GPC3: variants seen among roughly 807,000 people sequenced by gnomAD.
GPC3 encodes glypican-3.
In GPC3, 3 loss-of-function variants were observed where a neutral mutation model predicts 34.4. The ratio of observed to expected loss-of-function variants is 0.09; its 90% CI spans 0.04 to 0.23. The LOEUF (loss-of-function observed/expected upper bound fraction) is 0.23. Among genes scored for constraint, GPC3 ranks in the 10% least tolerant of loss-of-function variants. The pLI is 1.00. For synonymous variants in GPC3, 177 were observed against 174.0 expected, an observed-to-expected ratio of 1.02 and a Z score of -0.13; for missense variants, 351 against 445.6, an observed-to-expected ratio of 0.79 and a Z score of 1.91.
chrX:133,897,667 AG>A (rs970755808), intron 2 of GPC3, among the ~76,000 whole-genome samples: 1 of 111,145 alleles, frequency 9.0e-6, no homozygotes, highest in Admixed American at 9.6e-5. Context: ...GGATGGTGCC[AG>A]GAAGCCCCTA....
chrX:133,576,231 T>TG (rs1280777103), intron 7 of GPC3, among the ~76,000 whole-genome samples: 117 of 111,138 alleles, frequency 1.1e-3, no homozygotes, highest in African/African-American at 3.5e-3. Flanking sequence ...TAGCTCTGTT[T>TG]TTTTGTTTGT....
chrX:133,594,205 A>G (rs1355162048), intron 7 of GPC3, among the ~76,000 whole-genome samples: 1 of 112,523 alleles, frequency 8.9e-6, no homozygotes, highest in Non-Finnish European at 1.9e-5. Flanking sequence ...GCAAGAGAGA[A>G]GAAGCAAAGA....
chrX:133,777,497 C>T (rs2071999175), intron 2 of GPC3, among the ~76,000 whole-genome samples: 1 of 111,487 alleles, frequency 9.0e-6, no homozygotes, highest in South Asian at 3.9e-4. Flanking sequence ...ACCCCAAATT[C>T]TGGTTTCAGA....
intron 2 of GPC3, among the ~76,000 whole-genome samples, chrX:133,816,510 T>G (rs1428633925): frequency 8.9e-6 from 1 of 112,137 alleles, no homozygotes; most frequent in Non-Finnish European, 1.9e-5. Context: ...TACCCTTTAC[T>G]AAGTGCTTTT....
chrX:133,703,460 G>GTT (rs746837604), intron 3 of GPC3, among the ~76,000 whole-genome samples: 1,898 of 95,596 alleles, frequency 0.02, 70 homozygotes, highest in African/African-American at 0.068. Flanking sequence ...AGGCCAGGAA[G>GTT]TTTTTTTTTT....
intron 6 of GPC3, among the ~76,000 whole-genome samples, chrX:133,601,027 A>G (rs1302060912): frequency 9.0e-6 from 1 of 111,708 alleles, no homozygotes; most frequent in Non-Finnish European, 1.9e-5. Flanking sequence ...CATTCTGTTA[A>G]CCTGACACTT....
intron 2 of GPC3, among the ~76,000 whole-genome samples, chrX:133,940,256 T>C (rs777555548): frequency 9.0e-6 from 1 of 111,053 alleles, no homozygotes; most frequent in Non-Finnish European, 1.9e-5. Context: ...TATTTCTCCA[T>C]TACTGTACAG....
rs1374239638 is a variant in GPC3 at position 133,595,975 on chromosome X, G to A, written c.1573+465C>T. Among the ~76,000 whole-genome samples, 3 of 111,681 alleles carry A rather than the reference G, an allele frequency of 2.7e-5. No homozygotes were observed. The South Asian group carries it at 1.1e-3, about 42-fold the overall frequency. ...CCAGTGGTTTTCAGAAGACTTCCAA[G>A]GTTGCATTTCTTTTTTTTGTTTGTT... On this transcript the variant is annotated intron_variant, in intron 7 of 7. Transcript: ENST00000370818.
rs753291252 is a variant in GPC3 at position 133,596,630 on chromosome X, T to C, written c.1414-31A>G. On this transcript the variant is annotated intron_variant, in intron 6 of 7. Coordinates refer to ENST00000370818, the MANE Select transcript of GPC3 (RefSeq NM_004484.4). ...AGAAAACAACCAGGAATGCATCAGC[T>C]CTTCATATTTCTCAGGTGGGTCTGC... 4.2e-6 allele frequency: 5 copies of C among 1,184,169 alleles called. No homozygotes were observed. In the South Asian group the frequency reaches 8.9e-5, roughly 21 times the overall value.
chrX:133,665,800 T>G (rs1424229205), intron 5 of GPC3, among the ~76,000 whole-genome samples: 1 of 111,720 alleles, frequency 9.0e-6, no homozygotes, highest in African/African-American at 3.3e-5. Flanking sequence ...ATATCATTCA[T>G]CTTCTGATGA....
chrX:133,782,029 T>G (rs916632727), intron 2 of GPC3, among the ~76,000 whole-genome samples: 2 of 111,809 alleles, frequency 1.8e-5, no homozygotes, highest in Non-Finnish European at 3.8e-5. Context: ...CTACAAATCA[T>G]GCAGACCACA....
At chrX:133,911,022 G>A (rs1197484125) in intron 2 of GPC3, among the ~76,000 whole-genome samples, 2 of 111,784 alleles carry the variant, frequency 1.8e-5, no homozygotes, top group Non-Finnish European at 1.9e-5. Context: ...TGTGCTAAAT[G>A]TGAAAACACT....
At chrX:133,654,759 G>A (rs760231534) in intron 6 of GPC3, among the ~76,000 whole-genome samples, 1 of 111,147 alleles carries the variant, frequency 9.0e-6, no homozygotes, top group Non-Finnish European at 1.9e-5. Flanking sequence ...TTTGGCCAGT[G>A]GGTAAATGTA....
chrX:133,944,086 G>GTA (rs3040478), intron 2 of GPC3, among the ~76,000 whole-genome samples: 3,615 of 107,959 alleles, frequency 0.033, 137 homozygotes, highest in African/African-American at 0.1. Context: ...GAGAGTGTAT[G>GTA]TATATATATA....
intron 6 of GPC3, among the ~76,000 whole-genome samples, chrX:133,637,816 T>C (rs745892167): frequency 1.6e-3 from 174 of 110,368 alleles, no homozygotes; most frequent in African/African-American, 5.6e-3. Flanking sequence ...CTAAGTTTCT[T>C]ATTTTTGGTA....
At chrX:133,637,404 G>A (rs2124376909) in intron 6 of GPC3, among the ~76,000 whole-genome samples, 1 of 108,216 alleles carries the variant, frequency 9.2e-6, no homozygotes, top group Non-Finnish European at 1.9e-5. Context: ...GCAACAGAGT[G>A]AGACTCCATC....
At chrX:133,770,456 G>C (rs1244753682) in intron 2 of GPC3, among the ~76,000 whole-genome samples, 1 of 111,994 alleles carries the variant, frequency 8.9e-6, no homozygotes, top group African/African-American at 3.2e-5. Context: ...GAAGAAGAGA[G>C]GGTATGGTCA....
intron 2 of GPC3, among the ~76,000 whole-genome samples, chrX:133,878,272 C>CAA (rs1262508609): frequency 9.0e-6 from 1 of 110,651 alleles, no homozygotes; most frequent in African/African-American, 3.3e-5. Context: ...TACAAAAATA[C>CAA]AAAAATTAGC....
intron 3 of GPC3, among the ~76,000 whole-genome samples, chrX:133,707,765 G>T (rs1160878804): frequency 9.0e-6 from 1 of 110,788 alleles, no homozygotes; most frequent in Non-Finnish European, 1.9e-5. Flanking sequence ...TGGGGGGGCA[G>T]AGTTTATGCT....
Sources: gnomAD v4.1 joint callset for allele counts (sites outside exome capture counted in the v4.1 genomes callset) on GRCh38, gnomAD v4.1.1 for gene constraint, MANE v1.5 for transcripts, NCBI Gene and HGNC (gene_info 2026-07-23, HGNC 2026-07-21) for gene names.